KIF1B: variants seen among roughly 807,000 people sequenced by gnomAD.
The protein encoded by KIF1B is kinesin-like protein KIF1B.
A neutral mutation model predicts 241.9 loss-of-function variants in KIF1B; 76 were observed. That is an observed-to-expected ratio of 0.31 (90% CI 0.26 to 0.38). The LOEUF (loss-of-function observed/expected upper bound fraction) is 0.38. KIF1B is among the 10% of genes least tolerant of loss of function. The probability of loss-of-function intolerance (pLI) is 1.00; values close to 1 mark genes in which losing one functional copy is unlikely to be tolerated. For missense variants in KIF1B, 1,622 were observed against 2,271.4 expected, an observed-to-expected ratio of 0.71 and a Z score of 5.81; for synonymous variants, 750 against 796.7, an observed-to-expected ratio of 0.94 and a Z score of 0.99.
At chr1:10,237,591 CT>C (rs1362891024) in intron 2 of KIF1B, among the ~76,000 whole-genome samples, 16 of 152,122 alleles carry the variant, frequency 1.1e-4, no homozygotes, top group South Asian at 4.1e-4. Context: ...GTAGCCCTGA[CT>C]TTTTTTTCCT....
intron 2 of KIF1B, among the ~76,000 whole-genome samples, chr1:10,254,724 A>C (rs960524669): frequency 6.6e-6 from 1 of 151,754 alleles, no homozygotes; most frequent in Non-Finnish European, 1.5e-5. Flanking sequence ...AAAATACAAA[A>C]AAATTAGCTG....
At position 10,326,753 on chromosome 1, in the gene KIF1B, T is replaced by A. The variant is rs890842301; in HGVS notation, c.2924+394T>A. Among the ~76,000 whole-genome samples, 2 of 152,178 alleles carry A rather than the reference T, an allele frequency of 1.3e-5. No homozygotes were observed. The highest frequency in any genetic ancestry group is 6.5e-5 in the Admixed American group (1 of 15,268). On this transcript the variant is annotated intron_variant, in intron 27 of 48. Coordinates refer to ENST00000676179, the MANE Select transcript of KIF1B (RefSeq NM_001365951.3). This position sits in a 1 kb window ranked among gnomAD's most constrained non-coding sequence, Gnocchi z 5.2. ...TTAAAGGATTGTGATTGAAAAAGCA[T>A]ATGGAGGTAACATGAGAGAGGGGGC...
At chr1:10,301,679 A>T (rs544192708) in intron 22 of KIF1B, among the ~76,000 whole-genome samples, 14 of 152,246 alleles carry the variant, frequency 9.2e-5, no homozygotes, top group Admixed American at 2.0e-4. Flanking sequence ...AGAAACAAAG[A>T]AAGAAAGTAA....
At chr1:10,277,167 C>G (rs1332667012) in intron 12 of KIF1B, among the ~76,000 whole-genome samples, 1 of 151,456 alleles carries the variant, frequency 6.6e-6, no homozygotes, top group Non-Finnish European at 1.5e-5. Context: ...CCAACATAGC[C>G]AGGTGCAGTG....
At chr1:10,277,180 G>A (rs1649161517) in intron 12 of KIF1B, among the ~76,000 whole-genome samples, 1 of 151,710 alleles carries the variant, frequency 6.6e-6, no homozygotes. Flanking sequence ...GTGCAGTGGT[G>A]TGCACCTGTA....
chr1:10,283,717 C>G (rs774234492), intron 15 of KIF1B, among the ~76,000 whole-genome samples: 1 of 152,208 alleles, frequency 6.6e-6, no homozygotes, highest in Non-Finnish European at 1.5e-5. Context: ...TACCTTTTAG[C>G]CATTGTGTTC....
chr1:10,351,876 G>A (rs78248758), intron 37 of KIF1B, among the ~76,000 whole-genome samples: 1 of 152,168 alleles, frequency 6.6e-6, no homozygotes, highest in Non-Finnish European at 1.5e-5. Context: ...AGGTGGCTTA[G>A]GTGGGAGGAT....
intron 10 of KIF1B, among the ~76,000 whole-genome samples, chr1:10,273,413 G>T (rs866705529): frequency 6.6e-6 from 1 of 152,074 alleles, no homozygotes; most frequent in Non-Finnish European, 1.5e-5. Flanking sequence ...AATTAGCTGG[G>T]TGTGGTAGCG....
chr1:10,313,181 T>C (rs1270680280), intron 22 of KIF1B, among the ~76,000 whole-genome samples: 1 of 151,380 alleles, frequency 6.6e-6, no homozygotes, highest in Non-Finnish European at 1.5e-5. Context: ...TTCTTGTGGC[T>C]CAGCCTCCCA....
intron 1 of KIF1B, among the ~76,000 whole-genome samples, chr1:10,216,742 C>A (rs893115595): frequency 6.6e-6 from 1 of 152,022 alleles, no homozygotes; most frequent in Admixed American, 6.6e-5. Flanking sequence ...TGGCAGAATA[C>A]CTTGCCTGCC....
intron 5 of KIF1B, 146 bp from the exon 6 acceptor site, chr1:10,267,234 G>A: frequency 1.5e-6 from 1 of 668,732 alleles, no homozygotes; most frequent in South Asian, 1.6e-5. Context: ...GGCCAGACTG[G>A]TCTCGAACTC....
intron 1 of KIF1B, among the ~76,000 whole-genome samples, chr1:10,216,340 C>T (rs1462364791): frequency 6.6e-6 from 1 of 152,200 alleles, no homozygotes. Context: ...CTTTCACTTT[C>T]ATAATCACTT....
At chr1:10,255,212 G>T (rs933127104) in intron 2 of KIF1B, among the ~76,000 whole-genome samples, 4 of 152,062 alleles carry the variant, frequency 2.6e-5, no homozygotes, top group Non-Finnish European at 5.9e-5. Context: ...GCCTCCCAAA[G>T]TGCTGGGATT....
chr1:10,282,590 C>G, intron 15 of KIF1B, 57 bp downstream of exon 15: 5 of 1,408,010 alleles, frequency 3.6e-6, no homozygotes, highest in Non-Finnish European at 5.0e-6. Flanking sequence ...CAAGGAAGAA[C>G]TAGGAGTAAA....
chr1:10,280,731 G>T (rs999685277), intron 14 of KIF1B, among the ~76,000 whole-genome samples: 1 of 152,216 alleles, frequency 6.6e-6, no homozygotes, highest in Non-Finnish European at 1.5e-5. Context: ...CGATACTGGT[G>T]TGGAAAAGGT....
intron 22 of KIF1B, among the ~76,000 whole-genome samples, chr1:10,302,078 T>G (rs1198421015): frequency 6.6e-6 from 1 of 152,232 alleles, no homozygotes; most frequent in African/African-American, 2.4e-5. Context: ...TCACTTAAAG[T>G]GATATTCCTC....
In KIF1B at chr1:10,303,968, G is replaced by A. The variant is rs772297984; in HGVS notation, c.2115+6722G>A. The A allele has an allele frequency of 6.2e-6, 10 of 1,610,486 alleles. No individual in the cohort carries two copies. Among genetic ancestry groups the A allele is most frequent in the South Asian group, 4.4e-5 (4 of 90,396 alleles). On this transcript the variant is annotated intron_variant, in intron 22 of 48. Transcript: ENST00000676179. The surrounding 1 kb of genome is among the most constrained non-coding windows in gnomAD (Gnocchi z 5.2). ...CGCTGGATGAGGCAAGAGCAAATTC[G>A]GTTTAAGAACTTGCAACAGCAGGAG...
At chr1:10,266,230 CTA>C (rs1170875714) in intron 5 of KIF1B, among the ~76,000 whole-genome samples, 1 of 152,122 alleles carries the variant, frequency 6.6e-6, no homozygotes, top group African/African-American at 2.4e-5. Context: ...TGAGAAATAA[CTA>C]TTACTAAGGC....
intron 22 of KIF1B, chr1:10,306,623 T>C: frequency 1.9e-6 from 1 of 532,676 alleles, no homozygotes; most frequent in Non-Finnish European, 2.5e-6. Flanking sequence ...AACCACAAAC[T>C]TGCATCAGGA....
Sources: allele counts gnomAD v4.1 joint callset (sites outside exome capture counted in the v4.1 genomes callset), GRCh38; gene constraint gnomAD v4.1.1; non-coding constraint Gnocchi (gnomAD v3.1); transcripts MANE v1.5; gene names NCBI Gene and HGNC (gene_info 2026-07-23, HGNC 2026-07-21).